The following ZNF534 variants were observed in gnomAD, a reference collection of about 807,000 sequenced individuals.
The protein encoded by ZNF534 is KRAB domain only 3.
ZNF534 carries 19 observed loss-of-function variants against 13.6 expected under a neutral mutation model. That is an observed-to-expected ratio of 1.40 (90% confidence interval 0.97 to 2.05). The LOEUF (loss-of-function observed/expected upper bound fraction) is 2.05, where lower values mean the gene tolerates loss of function less well. ZNF534 is among the 30% of genes most tolerant of loss of function. ZNF534 has a pLI of 0.00. For missense variants in ZNF534, 782 were observed against 796.3 expected, an observed-to-expected ratio of 0.98 and a Z score of 0.22; for synonymous variants, 244 against 273.8, an observed-to-expected ratio of 0.89 and a Z score of 1.07.
intron 2 of ZNF534, among the ~76,000 whole-genome samples, chr19:52,433,560 GT>G (rs2059105863): frequency 6.6e-6 from 1 of 152,148 alleles, no homozygotes; most frequent in South Asian, 2.1e-4. Context: ...TAGAGATGGG[GT>G]TTCACCGTGT....
chr19:52,450,609 T>G (rs1366606839), intron 4 of ZNF534, among the ~76,000 whole-genome samples: 1 of 151,634 alleles, frequency 6.6e-6, no homozygotes, highest in Admixed American at 6.6e-5. Flanking sequence ...AGTTTGGTTC[T>G]TTTTGCTCAG....
At chr19:52,435,486 T>C (rs901002058) in intron 4 of ZNF534, among the ~76,000 whole-genome samples, 9 of 152,074 alleles carry the variant, frequency 5.9e-5, no homozygotes, top group African/African-American at 2.2e-4. Flanking sequence ...CTTTGAGTTG[T>C]GAACAGACAT....
chr19:52,434,687 T>C (rs1254662828), intron 3 of ZNF534, among the ~76,000 whole-genome samples: 2 of 144,002 alleles, frequency 1.4e-5, no homozygotes, highest in Non-Finnish European at 3.0e-5. Context: ...GCTGAGATCA[T>C]GCCACTGCAC....
intron 4 of ZNF534, among the ~76,000 whole-genome samples, chr19:52,447,681 T>C (rs2059199155): frequency 6.6e-6 from 1 of 152,132 alleles, no homozygotes; most frequent in African/African-American, 2.4e-5. Flanking sequence ...ATTACATTGA[T>C]CAAATTTTAT....
Position 52,438,186 on chromosome 19 carries a change from C to A in ZNF534, c.726C>A (p.Tyr242Ter). The change falls in exon 5 of 5, where the codon TAC becomes TAA. Residue 242 changes from tyrosine to a stop codon, truncating the protein, a stop_gained. Transcript: ENST00000433050. LOFTEE classifies it low-confidence loss of function (END_TRUNC). ...GAATCCATACTGGAGAGAAGCCTTACAAATATAATGAATGTGGCAAAGTCT... is the reference window on the plus strand; with the variant it reads ...GAATCCATACTGGAGAGAAGCCTTAAAAATATAATGAATGTGGCAAAGTCT... ...HQRIHTGEKP[Y>*]KYNECGKVFN... is the part of the protein sequence containing the mutation. The A allele has an allele frequency of 6.2e-7, 1 of 1,614,128 alleles. No homozygotes were observed. Among genetic ancestry groups the A allele is most frequent in the Non-Finnish European group, 8.5e-7 (1 of 1,180,006 alleles).
downstream of ZNF534, among the ~76,000 whole-genome samples, chr19:52,442,877 T>A (rs2122715594): frequency 6.6e-6 from 1 of 152,368 alleles, no homozygotes; most frequent in South Asian, 2.1e-4. Flanking sequence ...CATAAAATGA[T>A]GACTGCTTGA....
At chr19:52,431,910 G>T (rs2059090121) in intron 2 of ZNF534, among the ~76,000 whole-genome samples, 1 of 151,420 alleles carries the variant, frequency 6.6e-6, no homozygotes, top group South Asian at 2.1e-4. Flanking sequence ...CTGGAGTGTG[G>T]TTTTGTGATC....
Position 52,440,676 on chromosome 19 carries a change from G to A in ZNF534, c.*1230G>A, listed in dbSNP as rs1181661831. Reference sequence around the variant, plus strand: ...GGTGTCTGTAATCCCAGCTACTCAGGAGGCTGAGGCAGGAGAATCACTTAA... The same window carrying A: ...GGTGTCTGTAATCCCAGCTACTCAGAAGGCTGAGGCAGGAGAATCACTTAA... On this transcript the variant is annotated 3_prime_UTR_variant, in exon 5 of 5. Transcript: ENST00000433050. Among the ~76,000 whole-genome samples, 1 of 58,540 alleles carries A rather than the reference G, an allele frequency of 1.7e-5. No individual in the cohort carries two copies. The highest frequency in any genetic ancestry group is 4.0e-5 in the Non-Finnish European group (1 of 24,904). The allele number at this position is 58,540 out of a possible 152,430, so 38.4% of individuals were successfully genotyped here.
chr19:52,450,682 T>G lies in ZNF534; in HGVS notation c.272-505T>G, dbSNP rs1003607121. On this transcript the variant is annotated intron_variant, in intron 4 of 4. Transcript: ENST00000301085. ...ATGAATTTTAGGAGTTTTTTTTTTT[T>G]TTGTTTTTGTTTTTGTTTTTTTTTT... 1.0e-3 allele frequency among the ~76,000 whole-genome samples: 64 copies of G among 62,430 alleles called. 1 individual carries two copies. Among genetic ancestry groups the G allele is most frequent in the African/African-American group, 5.2e-3 (56 of 10,748 alleles). The allele number at this position is 62,430 out of a possible 152,430, so 41.0% of individuals were successfully genotyped here.
At chr19:52,433,436 A>G (rs988262873) in intron 2 of ZNF534, among the ~76,000 whole-genome samples, 24 of 151,568 alleles carry the variant, frequency 1.6e-4, no homozygotes, top group Non-Finnish European at 2.9e-4. Flanking sequence ...GCGCAATCTC[A>G]GCTCACTGCA....
rs191914706 is a variant in ZNF534 at position 52,432,765 on chromosome 19, T to G, written c.16-1190T>G. 4.6e-3 allele frequency among the ~76,000 whole-genome samples: 694 copies of G among 152,142 alleles called. 2 individuals carry two copies. Among genetic ancestry groups the G allele is most frequent in the African/African-American group, 0.016 (660 of 41,510 alleles). ...CTCCTGCCTCAGCCTCCTGAGTAGC[T>G]GGGATTACAGGTGCACACCTCCATG... On this transcript the variant is annotated intron_variant, in intron 2 of 4. Coordinates refer to ENST00000433050, the MANE Select transcript of ZNF534 (RefSeq NM_001143938.3).
At chr19:52,434,147 G>A in intron 3 of ZNF534, 66 bp downstream of exon 3, 1 of 1,570,482 alleles carries the variant, frequency 6.4e-7, no homozygotes, top group South Asian at 1.2e-5. Context: ...TTTCTCTTGT[G>A]TGTCTCTCGG....
At chr19:52,443,387 C>A (rs1037756848), downstream of ZNF534, among the ~76,000 whole-genome samples, 1 of 152,174 alleles carries the variant, frequency 6.6e-6, no homozygotes, top group African/African-American at 2.4e-5. Context: ...CTCAGGAATG[C>A]CAATTATTCT....
chr19:52,432,865 C>T (rs2059097623), intron 2 of ZNF534, among the ~76,000 whole-genome samples: 1 of 152,044 alleles, frequency 6.6e-6, no homozygotes, highest in Admixed American at 6.6e-5. Context: ...CTCCTTACCT[C>T]ATGATCCACC....
chr19:52,451,313 C>T (rs1345154942), exon 5 of ZNF534: 2 of 1,151,672 alleles, frequency 1.7e-6, no homozygotes, highest in African/African-American at 1.5e-5. Context: ...TCGCCCCTCG[C>T]TCTGCTACCA....
rs1766205073 is a variant in ZNF534 at position 52,441,462 on chromosome 19, T to G, written c.*2016T>G. ...CCTAGGAGCTTGAGGCTGCAGTGAG[T>G]CATGTTTGCAGTACTGCACTCCAGC... On this transcript the variant is annotated 3_prime_UTR_variant, in exon 5 of 5. Coordinates refer to ENST00000433050, the MANE Select transcript of ZNF534 (RefSeq NM_001143938.3). 2.6e-5 allele frequency among the ~76,000 whole-genome samples: 4 copies of G among 152,048 alleles called. No individual in the cohort carries two copies. The South Asian group carries it at 8.3e-4, about 32-fold the overall frequency.
rs1335515871 is a variant in ZNF534 at position 52,439,665 on chromosome 19, A to G, written c.*219A>G. On this transcript the variant is annotated 3_prime_UTR_variant, in exon 5 of 5. Coordinates refer to ENST00000433050, the MANE Select transcript of ZNF534 (RefSeq NM_001143938.3). ...TCCCAGCTACTCAGGAGGCTGAGGCAGGAGGATGGCATGAACCTGGGAGGC... is the reference window on the plus strand; with the variant it reads ...TCCCAGCTACTCAGGAGGCTGAGGCGGGAGGATGGCATGAACCTGGGAGGC... 3.3e-5 allele frequency among the ~76,000 whole-genome samples: 5 copies of G among 151,814 alleles called. No individual in the cohort carries two copies. The highest frequency in any genetic ancestry group is 5.9e-5 in the Non-Finnish European group (4 of 67,986).
intron 1 of ZNF534, among the ~76,000 whole-genome samples, 159 bp downstream of exon 1, chr19:52,429,403 C>A (rs115414205): frequency 6.6e-6 from 1 of 152,122 alleles, no homozygotes; most frequent in Non-Finnish European, 1.5e-5. Context: ...GGTCGCTTAC[C>A]TGCGTGTTAA....
At chr19:52,434,730 CAAA>C (rs772851558) in intron 3 of ZNF534, among the ~76,000 whole-genome samples, 1 of 69,998 alleles carries the variant, frequency 1.4e-5, no homozygotes, top group Non-Finnish European at 3.1e-5. Context: ...GACTCTGTCT[CAAA>C]AAAAAAAAAA....
Sources: gnomAD v4.1 joint callset for allele counts (sites outside exome capture counted in the v4.1 genomes callset) on GRCh38, gnomAD v4.1.1 for gene constraint, MANE v1.5 for transcripts, NCBI Gene and HGNC (gene_info 2026-07-23, HGNC 2026-07-21) for gene names.